The following SEMA5A variants were observed in gnomAD, a reference collection of about 807,000 sequenced individuals.
SEMA5A encodes semaphorin-5A.
SEMA5A carries 55 observed loss-of-function variants against 135.5 expected under a neutral mutation model. The ratio of observed to expected loss-of-function variants is 0.41; its 90% CI spans 0.33 to 0.51. SEMA5A has a LOEUF of 0.51. SEMA5A is among the 20% of genes least tolerant of loss of function. The pLI is 0.37. For missense variants in SEMA5A, 1,290 were observed against 1,419.9 expected, an observed-to-expected ratio of 0.91 and a Z score of 1.47; for synonymous variants, 580 against 546.5, an observed-to-expected ratio of 1.06 and a Z score of -0.85.
chr5:9,489,054 C>T (rs892654233), intron 1 of SEMA5A, among the ~76,000 whole-genome samples: 7 of 152,080 alleles, frequency 4.6e-5, no homozygotes, highest in African/African-American at 9.7e-5. Flanking sequence ...CTCTGAATAA[C>T]GTGAAATCTT....
chr5:9,539,189 C>T (rs1205474897), intron 1 of SEMA5A, among the ~76,000 whole-genome samples: 2 of 152,172 alleles, frequency 1.3e-5, no homozygotes, highest in Non-Finnish European at 2.9e-5. Context: ...TTCTGGGCAT[C>T]TCTATAAATG....
At position 9,054,339 on chromosome 5, in the gene SEMA5A, G is replaced by A. The variant is rs965917753; in HGVS notation, c.2519-82C>T. The A allele has an allele frequency of 4.0e-6, 6 of 1,512,254 alleles. No homozygotes were observed. In the African/African-American group the frequency reaches 8.3e-5, roughly 21 times the overall value. 93.7% of individuals were successfully genotyped at this position (1,512,254 alleles called of 1,614,324 possible). A position where few individuals can be genotyped will look rare whatever the true frequency, so the allele number is the denominator to read the frequency against. On this transcript the variant is annotated intron_variant, in intron 18 of 22. Transcript: ENST00000382496. The stretch of plus-strand genomic sequence containing the variant: ...GGAGTTACTAAATGGAAGCTAAGTG[G>A]ATTCTGTTTAGTAAGGGAAACAAAA...
At chr5:9,318,562 T>C (rs1752490401) in intron 4 of SEMA5A, 145 bp from the exon 5 acceptor site, 2 of 658,062 alleles carry the variant, frequency 3.0e-6, no homozygotes, top group Non-Finnish European at 5.1e-6. Flanking sequence ...CTACTTTCCT[T>C]GGATCTTAGA....
chr5:9,363,732 A>G (rs1754798864), intron 3 of SEMA5A, among the ~76,000 whole-genome samples: 1 of 152,222 alleles, frequency 6.6e-6, no homozygotes, highest in African/African-American at 2.4e-5. Context: ...CACAGATGGA[A>G]TATTATCCAA....
rs185952215 is a variant in SEMA5A, at chr5:9,402,633, G to A, written c.-77-22610C>T. 2.5e-3 allele frequency among the ~76,000 whole-genome samples: 376 copies of A among 152,256 alleles called. 2 individuals carry two copies. The highest frequency in any genetic ancestry group is 8.5e-3 in the African/African-American group (351 of 41,520). On this transcript the variant is annotated intron_variant, in intron 2 of 22. Coordinates refer to ENST00000382496, the MANE Select transcript of SEMA5A (RefSeq NM_003966.3). ...CTACTGGTACCATCTACTCATCAAG[G>A]TTTTGGGGTTTTGAATGTTAGTGAG...
intron 5 of SEMA5A, among the ~76,000 whole-genome samples, chr5:9,270,302 CTT>C (rs1245876258): frequency 5.3e-5 from 8 of 152,078 alleles, no homozygotes; most frequent in African/African-American, 1.9e-4. Flanking sequence ...CCATGCACCT[CTT>C]GTCTTTGCTA....
chr5:9,350,634 C>T lies in SEMA5A; in HGVS notation c.125-12822G>A, dbSNP rs139739912. ...ATTCCATGCTTTTGTGATCAACCCT[C>T]AATAAATCCCTGGACACCAAGGCTA... On this transcript the variant is annotated intron_variant, in intron 3 of 22. Transcript: ENST00000382496. 4.6e-5 allele frequency among the ~76,000 whole-genome samples: 7 copies of T among 152,350 alleles called. No homozygotes were observed. In the East Asian group the frequency reaches 1.4e-3, roughly 29 times the overall value.
chr5:9,449,084 T>C (rs915041105), intron 1 of SEMA5A, among the ~76,000 whole-genome samples: 8 of 152,232 alleles, frequency 5.3e-5, no homozygotes, highest in Admixed American at 1.3e-4. Flanking sequence ...CCCAAAGGAA[T>C]ATAAATCATT....
chr5:9,230,723 C>T (rs1561050894), intron 6 of SEMA5A, among the ~76,000 whole-genome samples: 1 of 151,990 alleles, frequency 6.6e-6, no homozygotes, highest in Non-Finnish European at 1.5e-5. Flanking sequence ...CCTATGGAAC[C>T]CAGAGGAGCC....
At chr5:9,125,878 T>TCC (rs1445016147) in intron 13 of SEMA5A, among the ~76,000 whole-genome samples, 1 of 152,040 alleles carries the variant, frequency 6.6e-6, no homozygotes, top group Non-Finnish European at 1.5e-5. Context: ...TTATCAGCCC[T>TCC]CCCTCTTGTC....
intron 1 of SEMA5A, among the ~76,000 whole-genome samples, chr5:9,525,459 T>A (rs755485179): frequency 2.0e-5 from 3 of 152,140 alleles, no homozygotes; most frequent in Non-Finnish European, 4.4e-5. Context: ...TGAATTCTAA[T>A]GAAGAAAAAA....
intron 16 of SEMA5A, among the ~76,000 whole-genome samples, chr5:9,074,688 G>A (rs1737949240): frequency 6.6e-6 from 1 of 152,104 alleles, no homozygotes; most frequent in South Asian, 2.1e-4. Context: ...ATATGTATAG[G>A]CATTTCAACA....
intron 11 of SEMA5A, among the ~76,000 whole-genome samples, chr5:9,158,917 T>C (rs1743100216): frequency 6.6e-6 from 1 of 151,422 alleles, no homozygotes; most frequent in African/African-American, 2.4e-5. Context: ...TGTTATATTC[T>C]AGGGTTACCA....
intron 1 of SEMA5A, among the ~76,000 whole-genome samples, chr5:9,477,526 T>C (rs867051171): frequency 1.3e-5 from 2 of 152,152 alleles, no homozygotes; most frequent in Non-Finnish European, 1.5e-5. Context: ...TGCTCTCAGA[T>C]GGAGATGAGG....
At chr5:9,135,970 C>T (rs1319428971) in intron 13 of SEMA5A, among the ~76,000 whole-genome samples, 1 of 152,228 alleles carries the variant, frequency 6.6e-6, no homozygotes, top group African/African-American at 2.4e-5. Context: ...AGTTTCTCCT[C>T]ATTCCATAGA....
chr5:9,176,009 G>A (rs979742562), intron 11 of SEMA5A, among the ~76,000 whole-genome samples: 2 of 152,124 alleles, frequency 1.3e-5, no homozygotes, highest in Non-Finnish European at 2.9e-5. Context: ...GGTGAGTATT[G>A]GCCAGACCTA....
intron 1 of SEMA5A, among the ~76,000 whole-genome samples, chr5:9,449,384 A>AT (rs111303195): frequency 1.3e-5 from 2 of 152,180 alleles, no homozygotes; most frequent in African/African-American, 2.4e-5. Context: ...GCATGGATAT[A>AT]TGGGGGGGAA....
intron 15 of SEMA5A, among the ~76,000 whole-genome samples, chr5:9,113,125 G>T (rs761995374): frequency 6.6e-6 from 1 of 152,146 alleles, no homozygotes; most frequent in Non-Finnish European, 1.5e-5. Flanking sequence ...ACCTGAAGCT[G>T]TGCCCAGATT....
intron 12 of SEMA5A, among the ~76,000 whole-genome samples, chr5:9,140,896 C>A (rs1468242761): frequency 2.6e-5 from 4 of 152,120 alleles, no homozygotes; most frequent in Admixed American, 2.0e-4. Flanking sequence ...ACTTCCCATG[C>A]AAAGCTGCTT....
Sources: allele counts gnomAD v4.1 joint callset (sites outside exome capture counted in the v4.1 genomes callset), GRCh38; gene constraint gnomAD v4.1.1; transcripts MANE v1.5; gene names NCBI Gene and HGNC (gene_info 2026-07-23, HGNC 2026-07-21).